Variants in TGFBRAP1 observed in about 807,000 individuals in gnomAD.
TGFBRAP1 encodes the protein transforming growth factor beta receptor associated protein 1.
In TGFBRAP1, 20 loss-of-function variants were observed where a neutral mutation model predicts 83.2. That is an observed-to-expected ratio of 0.24 (90% CI 0.17 to 0.35). The LOEUF (loss-of-function observed/expected upper bound fraction) is 0.35, where lower values mean the gene tolerates loss of function less well. Ranked by LOEUF, TGFBRAP1 falls within the 10% of genes least tolerant of loss-of-function variation. The pLI is 1.00. For synonymous variants in TGFBRAP1, 415 were observed against 459.8 expected (o/e 0.90, Z 1.25); for missense variants, 950 against 1,099.4 (o/e 0.86, Z 1.92).
At chr2:105,290,750 G>C (rs1309465328) in intron 4 of TGFBRAP1, among the ~76,000 whole-genome samples, 5 of 151,844 alleles carry the variant, frequency 3.3e-5, no homozygotes, top group African/African-American at 1.2e-4. Flanking sequence ...CACACCTGTA[G>C]TCCTAGCACT....
intron 1 of TGFBRAP1, among the ~76,000 whole-genome samples, chr2:105,318,266 A>C (rs1373463160): frequency 6.6e-6 from 1 of 152,196 alleles, no homozygotes; most frequent in Non-Finnish European, 1.5e-5. Flanking sequence ...GCCGCCCACA[A>C]GGATGAATCT....
intron 2 of TGFBRAP1, among the ~76,000 whole-genome samples, chr2:105,300,600 C>T (rs1045483155): frequency 2.0e-5 from 3 of 152,012 alleles, no homozygotes; most frequent in African/African-American, 7.2e-5. Flanking sequence ...CCATGCCTGG[C>T]TAATTTTTGT....
At chr2:105,319,838 T>C (rs1679003238) in intron 1 of TGFBRAP1, among the ~76,000 whole-genome samples, 1 of 150,316 alleles carries the variant, frequency 6.7e-6, no homozygotes. Flanking sequence ...TACATATATG[T>C]ATGTGTGTAT....
At chr2:105,261,996 G>A (rs954697855), downstream of TGFBRAP1, among the ~76,000 whole-genome samples, 8 of 152,104 alleles carry the variant, frequency 5.3e-5, no homozygotes, top group Non-Finnish European at 1.2e-4. Flanking sequence ...TCCCTGTGCT[G>A]GGTGCTTTCA....
Position 105,273,637 on chromosome 2 carries a change from A to G in TGFBRAP1, c.1719T>C (p.Ser573=). 6.2e-7 allele frequency: 1 copy of G among 1,614,140 alleles called. No homozygotes were observed. Among genetic ancestry groups the G allele is most frequent in the South Asian group, 1.1e-5 (1 of 91,070 alleles). The change falls in exon 9 of 12, where the codon AGT becomes AGC. Residue 573 remains serine, a synonymous_variant. Transcript: ENST00000393359. ...KRPLDEQQKN[S]FNPDDIINCL... is the part of the protein sequence containing the mutation. The stretch of plus-strand genomic sequence containing the variant: ...AATTGATAATGTCGTCTGGATTAAA[A>G]CTGTTCTTCTGCTGTTCATCCAAAG...
In TGFBRAP1 at chr2:105,317,369, G is replaced by A. The variant is rs371339043; in HGVS notation, c.-17-9051C>T. On this transcript the variant is annotated intron_variant, in intron 1 of 11. Transcript: ENST00000393359. ...GGAGAATTGCTTGAACCTGAGAGGC[G>A]GAGATTGCAGTGAGCCAAGATCGTG... 3.9e-4 allele frequency among the ~76,000 whole-genome samples: 60 copies of A among 151,924 alleles called. 1 individual carries two copies. The East Asian group carries it at 8.9e-3, about 23-fold the overall frequency.
the TGFBRAP1 span, among the ~76,000 whole-genome samples, chr2:105,256,452 C>T: frequency 0.012 from 1,869 of 152,326 alleles, 30 homozygotes; most frequent in African/African-American, 0.042. Flanking sequence ...GGCTTACCCG[C>T]ACTGCCCACT....
intron 6 of TGFBRAP1, 125 bp downstream of exon 6, chr2:105,280,257 C>G: frequency 9.9e-7 from 1 of 1,013,896 alleles, no homozygotes; most frequent in South Asian, 1.7e-5. Flanking sequence ...TGGCAGTCAC[C>G]TATAGGTACT....
At chr2:105,323,120 A>G (rs1679116409) in intron 1 of TGFBRAP1, among the ~76,000 whole-genome samples, 1 of 152,158 alleles carries the variant, frequency 6.6e-6, no homozygotes, top group South Asian at 2.1e-4. Flanking sequence ...ATGTTTTTTG[A>G]GGCTGGTCCT....
At chr2:105,316,088 A>G (rs2104408202) in intron 1 of TGFBRAP1, among the ~76,000 whole-genome samples, 1 of 152,332 alleles carries the variant, frequency 6.6e-6, no homozygotes, top group South Asian at 2.1e-4. Flanking sequence ...TCATGCCTAT[A>G]TTGTATATTT....
chr2:105,319,519 C>T (rs1218482481), intron 1 of TGFBRAP1, among the ~76,000 whole-genome samples: 2 of 149,680 alleles, frequency 1.3e-5, no homozygotes, highest in African/African-American at 4.9e-5. Flanking sequence ...TGGTGAAACC[C>T]CATTTCTACT....
At chr2:105,309,639 C>T (rs1039304356) in intron 1 of TGFBRAP1, among the ~76,000 whole-genome samples, 16 of 152,174 alleles carry the variant, frequency 1.1e-4, no homozygotes, top group African/African-American at 3.9e-4. Flanking sequence ...GACTCCAGCC[C>T]CCTTCCTTAG....
the TGFBRAP1 span, among the ~76,000 whole-genome samples, chr2:105,257,963 A>G: frequency 8.7e-3 from 1,329 of 152,316 alleles, 15 homozygotes; most frequent in African/African-American, 0.023. Flanking sequence ...CTCCCAACAT[A>G]TACTTGTGGA....
the TGFBRAP1 span, among the ~76,000 whole-genome samples, chr2:105,252,254 C>A: frequency 6.6e-6 from 1 of 152,204 alleles, no homozygotes; most frequent in Non-Finnish European, 1.5e-5. Context: ...ACAAGAGAGT[C>A]ACTAAGCTCA....
chr2:105,277,483 T>A, intron 7 of TGFBRAP1, 131 bp downstream of exon 7: 1 of 742,720 alleles, frequency 1.3e-6, no homozygotes, highest in Non-Finnish European at 2.2e-6. Flanking sequence ...AGAATCATTT[T>A]TATTCTGTAT....
At chr2:105,263,691 A>C (rs1676840000), downstream of TGFBRAP1, among the ~76,000 whole-genome samples, 1 of 152,182 alleles carries the variant, frequency 6.6e-6, no homozygotes, top group Non-Finnish European at 1.5e-5. Context: ...CAGCCTGGCC[A>C]ACATGGTGAA....
chr2:105,284,471 C>T, intron 4 of TGFBRAP1, 73 bp from the exon 5 acceptor site: 1 of 1,371,128 alleles, frequency 7.3e-7, no homozygotes. Context: ...TTGTCTAACC[C>T]TAGATAAGTG....
chr2:105,311,451 G>A (rs1678690462), intron 1 of TGFBRAP1, among the ~76,000 whole-genome samples: 2 of 152,110 alleles, frequency 1.3e-5, no homozygotes, highest in Admixed American at 1.3e-4. Context: ...CAGACCTGGT[G>A]GGGCACACCT....
At position 105,329,641 on chromosome 2, in the gene TGFBRAP1, C is replaced by A. The variant is rs1275029147; in HGVS notation, c.-34G>T. 6.8e-6 allele frequency: 1 copy of A among 147,206 alleles called. No homozygotes were observed. The highest frequency in any genetic ancestry group is 1.5e-5 in the Non-Finnish European group (1 of 65,832). The allele number at this position is 147,206 out of a possible 1,614,324, so 9.1% of individuals were successfully genotyped here. A position where few individuals can be genotyped will look rare whatever the true frequency, so the allele number is the denominator to read the frequency against. On this transcript the variant is annotated 5_prime_UTR_variant, in exon 1 of 12. Transcript: ENST00000393359. ...CTCACTCACCGGCGCCGGCGCCCGCCGTCCCGCGCCGCCCCGCGGCCTGGG... is the reference window on the plus strand; with the variant it reads ...CTCACTCACCGGCGCCGGCGCCCGCAGTCCCGCGCCGCCCCGCGGCCTGGG...
Sources: allele counts gnomAD v4.1 joint callset (sites outside exome capture counted in the v4.1 genomes callset), GRCh38; gene constraint gnomAD v4.1.1; transcripts MANE v1.5; gene names NCBI Gene and HGNC (gene_info 2026-07-23, HGNC 2026-07-21).